Variants in NEK10 observed in about 807,000 individuals in gnomAD.
NEK10 encodes serine/threonine-protein kinase Nek10.
In NEK10, 122 loss-of-function variants were observed where a neutral mutation model predicts 159.8. The ratio of observed to expected loss-of-function variants is 0.76; its 90% CI spans 0.66 to 0.89. NEK10 has a LOEUF of 0.89. Ranked by LOEUF, NEK10 falls within the 40% of genes least tolerant of loss-of-function variation. The probability of loss-of-function intolerance (pLI) is 0.00; values close to 1 mark genes in which losing one functional copy is unlikely to be tolerated. For synonymous variants in NEK10, 466 were observed against 457.1 expected (o/e 1.02, Z -0.25); for missense variants, 1,342 against 1,323.1 (o/e 1.01, Z -0.22).
intron 14 of NEK10, 37 bp downstream of exon 14, chr3:27,297,142 G>C (rs1250134629): frequency 6.9e-7 from 1 of 1,442,746 alleles, no homozygotes; most frequent in Admixed American, 1.7e-5. Context: ...ATTATGAATG[G>C]TTATGGAGAC....
chr3:27,197,585 A>G (rs1198506943), intron 25 of NEK10, among the ~76,000 whole-genome samples: 1 of 152,126 alleles, frequency 6.6e-6, no homozygotes, highest in African/African-American at 2.4e-5. Flanking sequence ...CTGTTGTTAT[A>G]TAGAAATGCT....
intron 23 of NEK10, chr3:27,255,414 GCTATTTT>G (rs1956076532): frequency 5.0e-6 from 1 of 201,450 alleles, no homozygotes; most frequent in Non-Finnish European, 1.1e-5. Flanking sequence ...AAATTAGGCT[GCTATTTT>G]TAGACAATTT....
At chr3:27,337,223 T>G (rs1011269417) in intron 5 of NEK10, among the ~76,000 whole-genome samples, 1 of 152,104 alleles carries the variant, frequency 6.6e-6, no homozygotes, top group South Asian at 2.1e-4. Context: ...CTATTTCCGA[T>G]AGCTACCAAA....
At chr3:27,192,596 GAAAAA>G (rs35385101) in intron 25 of NEK10, among the ~76,000 whole-genome samples, 2 of 134,820 alleles carry the variant, frequency 1.5e-5, no homozygotes, top group Admixed American at 7.3e-5. Context: ...CTGGCAGGTG[GAAAAA>G]AAAAAAAAAA....
At chr3:27,154,810 A>T (rs1945241452) in intron 30 of NEK10, among the ~76,000 whole-genome samples, 1 of 152,214 alleles carries the variant, frequency 6.6e-6, no homozygotes, top group Non-Finnish European at 1.5e-5. Context: ...ATGTAATAAA[A>T]GCCATCTATG....
intron 2 of NEK10, 45 bp from the exon 3 acceptor site, chr3:27,352,570 G>C (rs775821198): frequency 2.8e-6 from 4 of 1,418,680 alleles, no homozygotes; most frequent in Non-Finnish European, 4.0e-6. Context: ...AAGGCTCCAG[G>C]TGAACAAGAT....
At chr3:27,234,195 C>T (rs1263226157) in intron 23 of NEK10, among the ~76,000 whole-genome samples, 1 of 151,994 alleles carries the variant, frequency 6.6e-6, no homozygotes, top group African/African-American at 2.4e-5. Context: ...GAAGCATTTT[C>T]CTTGAAAACC....
intron 26 of NEK10, among the ~76,000 whole-genome samples, chr3:27,180,811 T>C (rs1948014873): frequency 6.6e-6 from 1 of 152,152 alleles, no homozygotes; most frequent in African/African-American, 2.4e-5. Context: ...TCTTAACCAA[T>C]TTCCCTGATT....
rs116539516 is a variant in NEK10, at chr3:27,321,079, C to T, written c.447+1098G>A. On this transcript the variant is annotated intron_variant, in intron 6 of 35. Coordinates refer to ENST00000691995, the MANE Select transcript of NEK10 (RefSeq NM_001394966.1). ...ACATATTCTGACTCAAATAACAATT[C>T]ATCAATAAAATCGAGTTCAAAATTA... 8.5e-3 allele frequency among the ~76,000 whole-genome samples: 1,286 copies of T among 151,992 alleles called. 10 individuals are homozygous for T. The highest frequency in any genetic ancestry group is 0.014 in the Non-Finnish European group (949 of 67,968).
intron 29 of NEK10, among the ~76,000 whole-genome samples, chr3:27,166,455 A>G (rs917040254): frequency 6.6e-6 from 1 of 152,198 alleles, no homozygotes; most frequent in African/African-American, 2.4e-5. Flanking sequence ...GGTTGATTCT[A>G]GCAAGGAGTA....
chr3:27,111,668 T>C (rs550137399), intron 35 of NEK10, among the ~76,000 whole-genome samples: 2 of 146,214 alleles, frequency 1.4e-5, no homozygotes, highest in Non-Finnish European at 2.9e-5. Context: ...TTCAAGTTGA[T>C]TCAATGTAGA....
chr3:27,211,126 A>G (rs1950974575), intron 23 of NEK10, among the ~76,000 whole-genome samples: 1 of 152,232 alleles, frequency 6.6e-6, no homozygotes, highest in Non-Finnish European at 1.5e-5. Flanking sequence ...GATGAGTCAA[A>G]TCAGACTCAA....
chr3:27,192,729 T>TA (rs199670649), intron 25 of NEK10, among the ~76,000 whole-genome samples: 16 of 151,070 alleles, frequency 1.1e-4, no homozygotes, highest in South Asian at 8.4e-4. Context: ...TTTTTAAAAA[T>TA]AAAAAAAAAG....
intron 11 of NEK10, among the ~76,000 whole-genome samples, chr3:27,306,450 C>T (rs1047883101): frequency 7.2e-5 from 11 of 152,152 alleles, no homozygotes; most frequent in African/African-American, 2.7e-4. Flanking sequence ...GTATTCTTTA[C>T]CTTCACGAAC....
Position 27,311,143 on chromosome 3 carries a change from C to T in NEK10, c.569-127G>A, listed in dbSNP as rs879248157. On this transcript the variant is annotated intron_variant, in intron 8 of 35. Transcript: ENST00000691995. ...CAAAGGGAACACAGCACAAAAGGAA[C>T]AACAGATGCAGGAGCAGCATGGCTA... is the stretch of plus-strand genomic sequence containing the variant. 5.5e-6 allele frequency: 3 copies of T among 546,450 alleles called. No individual in the cohort carries two copies. The South Asian group carries it at 8.9e-5, about 16-fold the overall frequency. The allele number at this position is 546,450 out of a possible 1,614,324, so 33.9% of individuals were successfully genotyped here.
At chr3:27,146,423 A>T (rs1252556307) in intron 30 of NEK10, among the ~76,000 whole-genome samples, 2 of 152,202 alleles carry the variant, frequency 1.3e-5, no homozygotes, top group African/African-American at 4.8e-5. Flanking sequence ...CTTTTGGACA[A>T]CTGGAGAAAA....
chr3:27,249,762 A>G (rs1955465268), intron 23 of NEK10, among the ~76,000 whole-genome samples: 1 of 151,954 alleles, frequency 6.6e-6, no homozygotes, highest in African/African-American at 2.4e-5. Flanking sequence ...CCATTTTGTC[A>G]TTTATGTTTT....
chr3:27,122,165 T>A (rs149836608), intron 32 of NEK10, among the ~76,000 whole-genome samples: 180 of 152,176 alleles, frequency 1.2e-3, no homozygotes, highest in African/African-American at 4.2e-3. Context: ...GCTGTTGTCA[T>A]GATAGTGTGT....
intron 20 of NEK10, among the ~76,000 whole-genome samples, chr3:27,287,311 C>A (rs2042692322): frequency 6.6e-6 from 1 of 152,184 alleles, no homozygotes; most frequent in South Asian, 2.1e-4. Context: ...AAAGACCTAG[C>A]TCTCTCCAAC....
Sources: allele counts gnomAD v4.1 joint callset (sites outside exome capture counted in the v4.1 genomes callset), GRCh38; gene constraint gnomAD v4.1.1; transcripts MANE v1.5; gene names NCBI Gene and HGNC (gene_info 2026-07-23, HGNC 2026-07-21).